The following GON4L variants were observed in gnomAD, a reference collection of about 807,000 sequenced individuals.
GON4L encodes the protein gon-4 like, also known as GON-4-like protein.
In GON4L, 87 loss-of-function variants were observed where a neutral mutation model predicts 211.8. The observed-to-expected ratio is 0.41, with a 90% CI of 0.35 to 0.49. The LOEUF (loss-of-function observed/expected upper bound fraction) is 0.49. GON4L is among the 20% of genes least tolerant of loss of function. The pLI, the probability that GON4L is intolerant of heterozygous loss-of-function variation, is 0.15. For synonymous variants in GON4L, 875 were observed against 962.6 expected, an observed-to-expected ratio of 0.91 and a Z score of 1.68; for missense variants, 2,155 against 2,659.5, an observed-to-expected ratio of 0.81 and a Z score of 4.17.
chr1:155,811,624 T>C (rs1403232067), intron 10 of GON4L, among the ~76,000 whole-genome samples: 1 of 148,462 alleles, frequency 6.7e-6, no homozygotes, highest in East Asian at 2.0e-4. Flanking sequence ...GGGTGTGGTG[T>C]CAGTCACCTG....
intron 2 of GON4L, 84 bp downstream of exon 2, chr1:155,853,192 A>T: frequency 8.8e-7 from 1 of 1,137,796 alleles, no homozygotes. Flanking sequence ...CCTTTCAGAA[A>T]TACTACTCTG....
At chr1:155,787,580 C>T (rs546531409) in intron 12 of GON4L, among the ~76,000 whole-genome samples, 3 of 152,252 alleles carry the variant, frequency 2.0e-5, no homozygotes, top group East Asian at 3.9e-4. Flanking sequence ...CGAGACCAGT[C>T]TGACCAACAT....
intron 2 of GON4L, among the ~76,000 whole-genome samples, chr1:155,845,109 C>T (rs1473119209): frequency 6.6e-6 from 1 of 152,114 alleles, no homozygotes; most frequent in Non-Finnish European, 1.5e-5. Flanking sequence ...TATATAATCT[C>T]TGTGGGGGGA....
intron 12 of GON4L, among the ~76,000 whole-genome samples, chr1:155,785,737 T>A (rs1298367698): frequency 1.3e-5 from 2 of 152,124 alleles, no homozygotes; most frequent in African/African-American, 2.4e-5. Flanking sequence ...CAACTCGGCC[T>A]CCCAAAATGG....
intron 21 of GON4L, among the ~76,000 whole-genome samples, chr1:155,764,214 G>A (rs1179856784): frequency 3.3e-5 from 5 of 151,612 alleles, no homozygotes; most frequent in African/African-American, 9.7e-5. Context: ...TGCCTCCCCG[G>A]TTCAAGCAAT....
rs1325515076 is a variant in GON4L, at chr1:155,809,514, TAATTATATACTTATATATAATTATA to T, written c.1452+4095_1452+4119del. On this transcript the variant is annotated intron_variant, in intron 10 of 31. Transcript: ENST00000368331. ...GCTATTCCATTCAATATTCTATTTTTAATTATATACTTATATATAATTATAAATTATATACTTATAAATTATATAC... is the reference window on the plus strand; with the variant it reads ...GCTATTCCATTCAATATTCTATTTTTAATTATATACTTATAAATTATATAC... Among the ~76,000 whole-genome samples, 319 of 146,616 alleles carry T rather than the reference TAATTATATACTTATATATAATTATA, an allele frequency of 2.2e-3. 6 individuals carry two copies. Among genetic ancestry groups the T allele is most frequent in the Admixed American group, 0.02 (286 of 14,358 alleles).
At chr1:155,762,399 G>C (rs1312634908) in intron 22 of GON4L, 25 bp from the exon 23 acceptor site, 1 of 1,572,568 alleles carries the variant, frequency 6.4e-7, no homozygotes, top group South Asian at 1.2e-5. Flanking sequence ...GAAAAGGATT[G>C]TTTCCCTGTC....
chr1:155,824,044 C>A (rs945268097), intron 3 of GON4L, among the ~76,000 whole-genome samples: 5 of 152,064 alleles, frequency 3.3e-5, no homozygotes, highest in Non-Finnish European at 7.4e-5. Flanking sequence ...AAAAGAAGTA[C>A]ACATGTTCAG....
At chr1:155,774,765 A>G in intron 17 of GON4L, 1 of 607,032 alleles carries the variant, frequency 1.6e-6, no homozygotes, top group Non-Finnish European at 2.9e-6. Context: ...TCAGATCTCT[A>G]CCTCCCATAT....
intron 12 of GON4L, among the ~76,000 whole-genome samples, chr1:155,791,033 G>A (rs987405588): frequency 4.0e-5 from 6 of 151,242 alleles, no homozygotes; most frequent in Non-Finnish European, 7.4e-5. Context: ...AGGCTGAGGC[G>A]GGCAGATCAC....
intron 11 of GON4L, among the ~76,000 whole-genome samples, chr1:155,800,332 T>C (rs556760918): frequency 1.3e-4 from 20 of 151,384 alleles, no homozygotes; most frequent in Admixed American, 1.3e-3. Flanking sequence ...CCAAGGTGGG[T>C]GGACCACTTG....
At chr1:155,777,569 ACT>A (rs1663951631) in intron 15 of GON4L, 51 bp downstream of exon 15, 1 of 1,221,956 alleles carries the variant, frequency 8.2e-7, no homozygotes, top group African/African-American at 1.5e-5. Context: ...ACAGAGCCAG[ACT>A]CTGTCTCAAA....
At chr1:155,784,598 T>C in intron 13 of GON4L, 1 of 171,996 alleles carries the variant, frequency 5.8e-6, no homozygotes, top group Non-Finnish European at 1.2e-5. Context: ...GCCAGGCTGG[T>C]CTCAAACTCC....
At chr1:155,785,756 C>G (rs1165536370) in intron 12 of GON4L, among the ~76,000 whole-genome samples, 1 of 152,188 alleles carries the variant, frequency 6.6e-6, no homozygotes, top group Non-Finnish European at 1.5e-5. Context: ...GGTGGGATTA[C>G]AGGTGTGAGC....
At chr1:155,788,635 A>T (rs1333580613) in intron 12 of GON4L, among the ~76,000 whole-genome samples, 39 of 152,342 alleles carry the variant, frequency 2.6e-4, no homozygotes, top group Non-Finnish European at 1.5e-5. Flanking sequence ...TATATACACA[A>T]CGAAATTCTA....
Position 155,754,502 on chromosome 1 carries a change from G to A in GON4L, c.5518-14C>T, listed in dbSNP as rs758692937. The stretch of plus-strand genomic sequence containing the variant: ...CCATTCAGTCTCCTAGGAGATACTT[G>A]GGCTTGATTAGCTGCCAAGTTGTTT... On this transcript the variant is annotated splice_polypyrimidine_tract_variant and intron_variant, in intron 27 of 31. Coordinates refer to ENST00000368331, the MANE Select transcript of GON4L (RefSeq NM_001282860.2). 4 of 1,329,978 alleles carry A rather than the reference G, an allele frequency of 3.0e-6. No homozygotes were observed. The African/African-American group carries it at 6.0e-5, about 20-fold the overall frequency. 82.4% of individuals were successfully genotyped at this position (1,329,978 alleles called of 1,614,324 possible). A position where few individuals can be genotyped will look rare whatever the true frequency, so the allele number is the denominator to read the frequency against.
In GON4L at chr1:155,752,020, G is replaced by A. The variant is rs373499531; in HGVS notation, c.6413C>T (p.Thr2138Met). 5.0e-6 allele frequency: 8 copies of A among 1,613,582 alleles called. No individual in the cohort carries two copies. Among genetic ancestry groups the A allele is most frequent in the Non-Finnish European group, 6.8e-6 (8 of 1,179,592 alleles). The change falls in exon 30 of 32, where the codon ACG becomes ATG. Residue 2138 changes from threonine to methionine, a missense_variant. Transcript: ENST00000368331. ...GACCTTGCTGTTGTTGGCACACACC[G>A]TAGCTTCTGCGGCCTTTGGCTGCTG... ...GEQQPKAAEA[T>M]VCANNSKVSS...
At chr1:155,854,517 T>G (rs1401724228) in intron 1 of GON4L, among the ~76,000 whole-genome samples, 1 of 152,160 alleles carries the variant, frequency 6.6e-6, no homozygotes, top group African/African-American at 2.4e-5. Flanking sequence ...AACTGTGGAA[T>G]CAGACTGTCT....
intron 24 of GON4L, among the ~76,000 whole-genome samples, chr1:155,758,998 T>C (rs1229330722): frequency 6.6e-6 from 1 of 151,316 alleles, no homozygotes; most frequent in African/African-American, 2.4e-5. Context: ...CCATTGTCTC[T>C]CTCTTTTTTG....
Sources: gnomAD v4.1 joint callset for allele counts (sites outside exome capture counted in the v4.1 genomes callset) on GRCh38, gnomAD v4.1.1 for gene constraint, MANE v1.5 for transcripts, NCBI Gene and HGNC (gene_info 2026-07-23, HGNC 2026-07-21) for gene names.